GLRA3: variants seen among roughly 807,000 people sequenced by gnomAD.
GLRA3 encodes the protein glycine receptor subunit alpha-3.
A neutral mutation model predicts 60.4 loss-of-function variants in GLRA3; 44 were observed. That is an observed-to-expected ratio of 0.73 (90% confidence interval 0.57 to 0.94). The LOEUF (loss-of-function observed/expected upper bound fraction) is 0.94, where lower values mean the gene tolerates loss of function less well. GLRA3 is among the 40% of genes least tolerant of loss of function. GLRA3 has a pLI of 0.00. For synonymous variants in GLRA3, 223 were observed against 192.9 expected (o/e 1.16, Z -1.29); for missense variants, 508 against 564.6 (o/e 0.90, Z 1.02).
At chr4:174,661,843 C>T (rs1446530814) in intron 7 of GLRA3, among the ~76,000 whole-genome samples, 1 of 152,128 alleles carries the variant, frequency 6.6e-6, no homozygotes, top group African/African-American at 2.4e-5. Flanking sequence ...ATGGAAAAAA[C>T]AGACAACTTT....
At chr4:174,663,243 T>A (rs1299545150) in intron 7 of GLRA3, among the ~76,000 whole-genome samples, 4 of 152,156 alleles carry the variant, frequency 2.6e-5, no homozygotes, top group African/African-American at 9.6e-5. Context: ...ATTCCAGTGC[T>A]GTATCAAATG....
chr4:174,728,249 G>T (rs1161468436), intron 4 of GLRA3, among the ~76,000 whole-genome samples: 3 of 152,128 alleles, frequency 2.0e-5, no homozygotes, highest in Non-Finnish European at 2.9e-5. Flanking sequence ...AGGGACATTT[G>T]TTTAAAAAGT....
intron 7 of GLRA3, among the ~76,000 whole-genome samples, chr4:174,674,651 G>T (rs1236728213): frequency 6.6e-6 from 1 of 152,122 alleles, no homozygotes; most frequent in Admixed American, 6.6e-5. Flanking sequence ...ACTAGGCAAA[G>T]ATCACAAAAT....
chr4:174,828,873 G>T lies in GLRA3; in HGVS notation c.-62C>A. On this transcript the variant is annotated 5_prime_UTR_variant, in exon 1 of 10. Coordinates refer to ENST00000274093, the MANE Select transcript of GLRA3 (RefSeq NM_006529.4). ...TATCCAAGGCATGGGGAACCAGAAA[G>T]ACAGAATGAAAATGTACAATCTAAC... is the stretch of plus-strand genomic sequence containing the variant. 8.9e-7 allele frequency: 1 copy of T among 1,127,276 alleles called. No homozygotes were observed. Among genetic ancestry groups the T allele is most frequent in the Non-Finnish European group, 1.4e-6 (1 of 735,850 alleles). 69.8% of individuals were successfully genotyped at this position (1,127,276 alleles called of 1,614,324 possible).
rs149623861 is a variant in GLRA3, at chr4:174,737,500, C to T, written c.268-8802G>A. Among the ~76,000 whole-genome samples the T allele has an allele frequency of 5.3e-3, 782 of 148,404 alleles. 6 individuals are homozygous for T. The highest frequency in any genetic ancestry group is 0.024 in the Middle Eastern group (7 of 292). ...TTTCAAATTTTTCTGAATGCTAAGG[C>T]TTTTTTTTGTGGTTTTTTGTTGTTG... is the stretch of plus-strand genomic sequence containing the variant. On this transcript the variant is annotated intron_variant, in intron 3 of 9. Transcript: ENST00000274093.
rs1738605446 is a variant in GLRA3 at position 174,776,506 on chromosome 4, G to A, written c.200-9476C>T. Among the ~76,000 whole-genome samples the A allele has an allele frequency of 2.0e-5, 3 of 151,550 alleles. No homozygotes were observed. The South Asian group carries it at 6.3e-4, about 32-fold the overall frequency. ...CATTGGGCAGAGAAGAAAAACAAAA[G>A]GGGCAGAATGCAATAAAAGACGCAT... On this transcript the variant is annotated intron_variant, in intron 2 of 9. Coordinates refer to ENST00000274093, the MANE Select transcript of GLRA3 (RefSeq NM_006529.4).
chr4:174,727,978 G>C (rs751412716), intron 4 of GLRA3, among the ~76,000 whole-genome samples: 1 of 152,008 alleles, frequency 6.6e-6, no homozygotes, highest in Non-Finnish European at 1.5e-5. Context: ...CAGCATGTTA[G>C]AAAGGATGAA....
chr4:174,717,083 G>A (rs1389901956), intron 4 of GLRA3, among the ~76,000 whole-genome samples: 2 of 150,760 alleles, frequency 1.3e-5, no homozygotes, highest in African/African-American at 2.4e-5. Flanking sequence ...TATGGCTTGT[G>A]CACCTGTAAT....
intron 1 of GLRA3, among the ~76,000 whole-genome samples, chr4:174,818,387 A>G (rs561018465): frequency 6.6e-6 from 1 of 152,314 alleles, no homozygotes; most frequent in East Asian, 1.9e-4. Context: ...TGATAACTAT[A>G]CATATACCCA....
At chr4:174,798,053 A>G (rs1254187959) in intron 1 of GLRA3, among the ~76,000 whole-genome samples, 1 of 152,230 alleles carries the variant, frequency 6.6e-6, no homozygotes, top group Non-Finnish European at 1.5e-5. Flanking sequence ...TGCTAAATAC[A>G]CCTTAAAATT....
Position 174,829,116 on chromosome 4 carries a change from A to G in GLRA3, c.-305T>C, listed in dbSNP as rs939619368. On this transcript the variant is annotated 5_prime_UTR_variant, in exon 1 of 10. Transcript: ENST00000274093. Reference sequence around the variant, plus strand: ...ACAGTTCTCTAAAGCTCCAGCAGCAAAGGAAGAATGTTCGTTCTTCCCTGA... The same window carrying G: ...ACAGTTCTCTAAAGCTCCAGCAGCAGAGGAAGAATGTTCGTTCTTCCCTGA... 4 of 251,514 alleles carry G rather than the reference A, an allele frequency of 1.6e-5. No individual in the cohort carries two copies. Among genetic ancestry groups the G allele is most frequent in the Middle Eastern group, 2.5e-3 (2 of 796 alleles). The allele number at this position is 251,514 out of a possible 1,614,324, so 15.6% of individuals were successfully genotyped here. A position where few individuals can be genotyped will look rare whatever the true frequency, so the allele number is the denominator to read the frequency against.
chr4:174,730,957 T>C (rs1168378158), intron 3 of GLRA3, among the ~76,000 whole-genome samples: 1 of 152,180 alleles, frequency 6.6e-6, no homozygotes, highest in African/African-American at 2.4e-5. Context: ...AATAATAATG[T>C]ATATTTCAAA....
At chr4:174,649,321 C>T (rs1732947850) in intron 9 of GLRA3, among the ~76,000 whole-genome samples, 1 of 152,104 alleles carries the variant, frequency 6.6e-6, no homozygotes. Context: ...GTATCATGGT[C>T]ACACTAAAAA....
intron 3 of GLRA3, among the ~76,000 whole-genome samples, chr4:174,748,741 G>A (rs191159470): frequency 6.6e-6 from 1 of 152,274 alleles, no homozygotes; most frequent in East Asian, 1.9e-4. Flanking sequence ...ACAAAGGTAA[G>A]GTCATCTGTT....
intron 5 of GLRA3, among the ~76,000 whole-genome samples, chr4:174,691,449 G>A (rs1212203421): frequency 6.6e-6 from 1 of 152,122 alleles, no homozygotes; most frequent in Non-Finnish European, 1.5e-5. Flanking sequence ...AGCCAAAGCT[G>A]GACTGTACTG....
At chr4:174,719,998 CAG>C (rs35201328) in intron 4 of GLRA3, among the ~76,000 whole-genome samples, 25,513 of 151,996 alleles carry the variant, frequency 0.17, 2,314 homozygotes, top group Middle Eastern at 0.21. Context: ...ACAAATTTCA[CAG>C]AGTGATTATA....
chr4:174,792,348 G>A, intron 1 of GLRA3, among the ~76,000 whole-genome samples: 1 of 151,896 alleles, frequency 6.6e-6, no homozygotes, highest in East Asian at 1.9e-4. Flanking sequence ...TTTTTTTAAT[G>A]ATCTTTTCTT....
At chr4:174,826,014 T>C (rs1232358265) in intron 1 of GLRA3, among the ~76,000 whole-genome samples, 1 of 152,172 alleles carries the variant, frequency 6.6e-6, no homozygotes, top group East Asian at 1.9e-4. Context: ...ACTGGCAGTA[T>C]CTACTAAAGT....
At chr4:174,702,397 T>C (rs1735354158) in intron 5 of GLRA3, among the ~76,000 whole-genome samples, 1 of 152,236 alleles carries the variant, frequency 6.6e-6, no homozygotes, top group African/African-American at 2.4e-5. Context: ...TTATATACAC[T>C]GGGAAACCAA....
Sources: gnomAD v4.1 joint callset for allele counts (sites outside exome capture counted in the v4.1 genomes callset) on GRCh38, gnomAD v4.1.1 for gene constraint, MANE v1.5 for transcripts, NCBI Gene and HGNC (gene_info 2026-07-23, HGNC 2026-07-21) for gene names.